The following ACOXL variants were observed in gnomAD, a reference collection of about 807,000 sequenced individuals.
The protein encoded by ACOXL is acyl-coenzyme A oxidase-like protein.
Under a neutral mutation model 71.9 loss-of-function variants are expected in ACOXL, and 70 were observed. The observed-to-expected ratio is 0.97, with a 90% confidence interval of 0.80 to 1.19. The LOEUF (loss-of-function observed/expected upper bound fraction) is 1.19. Ranked by LOEUF, ACOXL falls within the 50% of genes most tolerant of loss-of-function variation. The probability of loss-of-function intolerance (pLI) is 0.00; values close to 1 mark genes in which losing one functional copy is unlikely to be tolerated. For synonymous variants in ACOXL, 253 were observed against 281.6 expected (o/e 0.90, Z 1.02); for missense variants, 703 against 736.3 (o/e 0.95, Z 0.52).
intron 12 of ACOXL, among the ~76,000 whole-genome samples, chr2:110,983,941 C>T (rs2062823430): frequency 6.6e-6 from 1 of 152,070 alleles, no homozygotes. Context: ...CCTCCGTCTC[C>T]CGGGTTCAAG....
chr2:111,024,481 G>T (rs894631644), intron 14 of ACOXL, among the ~76,000 whole-genome samples: 1 of 152,226 alleles, frequency 6.6e-6, no homozygotes, highest in Non-Finnish European at 1.5e-5. Context: ...GAAGCCAGAA[G>T]AGGAAAGAAA....
At chr2:110,933,760 G>A (rs2060565383) in intron 12 of ACOXL, 118 bp downstream of exon 12, 2 of 1,307,316 alleles carry the variant, frequency 1.5e-6, no homozygotes, top group Non-Finnish European at 2.0e-6. Flanking sequence ...AACTGCCCAT[G>A]ACTCTGGGTT....
At chr2:110,771,022 C>G (rs928591648) in intron 2 of ACOXL, among the ~76,000 whole-genome samples, 3 of 152,208 alleles carry the variant, frequency 2.0e-5, no homozygotes, top group East Asian at 1.9e-4. Flanking sequence ...CTGGACAACT[C>G]TCTGTCCTGG....
intron 12 of ACOXL, among the ~76,000 whole-genome samples, chr2:110,983,193 G>C (rs531698471): frequency 5.8e-4 from 89 of 152,324 alleles, no homozygotes; most frequent in African/African-American, 2.0e-3. Context: ...AACTCTACTT[G>C]TTAGGCTCTT....
chr2:110,995,316 A>C (rs990283828), intron 13 of ACOXL, among the ~76,000 whole-genome samples: 1 of 151,426 alleles, frequency 6.6e-6, no homozygotes, highest in Non-Finnish European at 1.5e-5. Flanking sequence ...CCTGGCCAAT[A>C]TGGTGAAACC....
intron 15 of ACOXL, among the ~76,000 whole-genome samples, chr2:111,047,160 G>A (rs931341897): frequency 5.9e-5 from 9 of 152,206 alleles, no homozygotes; most frequent in African/African-American, 1.4e-4. Context: ...GTTGGAAAGG[G>A]CTGGCTTGGT....
At chr2:111,106,654 A>G (rs1410073562) in intron 17 of ACOXL, among the ~76,000 whole-genome samples, 2 of 152,104 alleles carry the variant, frequency 1.3e-5, no homozygotes, top group Non-Finnish European at 2.9e-5. Context: ...TCTTACTTAA[A>G]TCTTCTGTTT....
chr2:110,949,359 G>T (rs920351288), intron 12 of ACOXL, among the ~76,000 whole-genome samples: 5 of 149,956 alleles, frequency 3.3e-5, no homozygotes, highest in Admixed American at 1.3e-4. Flanking sequence ...CATTTTTCCC[G>T]GGCATCAACT....
intron 1 of ACOXL, among the ~76,000 whole-genome samples, chr2:110,753,282 T>C (rs1679243231): frequency 6.6e-6 from 1 of 152,190 alleles, no homozygotes; most frequent in South Asian, 2.1e-4. Flanking sequence ...ATGCCATGCT[T>C]GTACAGCCTG....
chr2:110,875,411 T>C (rs1695782854), intron 10 of ACOXL, among the ~76,000 whole-genome samples: 1 of 152,146 alleles, frequency 6.6e-6, no homozygotes, highest in Non-Finnish European at 1.5e-5. Context: ...ATTCTAAGAC[T>C]CTCCTCTTTA....
At chr2:111,000,040 A>G (rs761105767) in intron 14 of ACOXL, among the ~76,000 whole-genome samples, 10 of 152,314 alleles carry the variant, frequency 6.6e-5, no homozygotes, top group Non-Finnish European at 1.3e-4. Context: ...TGCTGACATA[A>G]CAAAAGCCTA....
chr2:110,819,454 G>A (rs1688350231), intron 9 of ACOXL, among the ~76,000 whole-genome samples: 1 of 152,104 alleles, frequency 6.6e-6, no homozygotes, highest in African/African-American at 2.4e-5. Context: ...CGAAGTTGGG[G>A]GAGAAGGTGA....
chr2:110,789,015 C>G lies in ACOXL; in HGVS notation c.159+4200C>G, dbSNP rs114010539. Among the ~76,000 whole-genome samples the G allele has an allele frequency of 4.1e-3, 623 of 152,314 alleles. 4 individuals carry two copies. The highest frequency in any genetic ancestry group is 0.014 in the African/African-American group (584 of 41,568). On this transcript the variant is annotated intron_variant, in intron 3 of 17. Coordinates refer to ENST00000439055, the MANE Select transcript of ACOXL (RefSeq NM_001142807.4). ...TCAATTCATCAAAATCAGCTGTGCC[C>G]TGCATGTTCAAGTCCCTTTTCTCTC...
intron 17 of ACOXL, among the ~76,000 whole-genome samples, chr2:111,093,312 A>AC (rs2150023395): frequency 6.6e-6 from 1 of 152,062 alleles, no homozygotes; most frequent in African/African-American, 2.4e-5. Context: ...AAGAAGAAAG[A>AC]CCCGGGGTAT....
At chr2:110,959,417 C>T (rs902178046) in intron 12 of ACOXL, among the ~76,000 whole-genome samples, 4 of 152,176 alleles carry the variant, frequency 2.6e-5, no homozygotes, top group East Asian at 1.9e-4. Context: ...TCTTGGGCAC[C>T]GGCTCAAAGT....
chr2:110,766,008 G>A (rs1415679101), intron 1 of ACOXL, among the ~76,000 whole-genome samples: 1 of 152,020 alleles, frequency 6.6e-6, no homozygotes, highest in African/African-American at 2.4e-5. Context: ...TCTATAACTT[G>A]CACTTCTTTG....
At chr2:111,105,700 C>T (rs1246703566) in intron 17 of ACOXL, among the ~76,000 whole-genome samples, 1 of 151,866 alleles carries the variant, frequency 6.6e-6, no homozygotes, top group African/African-American at 2.4e-5. Context: ...TATATGTTAT[C>T]TTTTATCCTA....
chr2:110,889,591 A>G (rs1472573342), intron 10 of ACOXL, among the ~76,000 whole-genome samples: 3 of 152,212 alleles, frequency 2.0e-5, no homozygotes, highest in Non-Finnish European at 4.4e-5. Context: ...AAATCATATA[A>G]TAGGTGGTCT....
At chr2:110,849,076 C>G (rs1324915231) in intron 10 of ACOXL, among the ~76,000 whole-genome samples, 1 of 152,244 alleles carries the variant, frequency 6.6e-6, no homozygotes. Context: ...CTTTTCAGAT[C>G]TATCAAGGAA....
Sources: gnomAD v4.1 joint callset for allele counts (sites outside exome capture counted in the v4.1 genomes callset) on GRCh38, gnomAD v4.1.1 for gene constraint, MANE v1.5 for transcripts, NCBI Gene and HGNC (gene_info 2026-07-23, HGNC 2026-07-21) for gene names.